Variants in CES5A observed in about 807,000 individuals in gnomAD.
CES5A encodes the protein carboxylesterase 5.
Under a neutral mutation model 62.9 loss-of-function variants are expected in CES5A, and 67 were observed. The observed-to-expected ratio is 1.07, with a 90% CI of 0.88 to 1.31. CES5A has a LOEUF of 1.31. Ranked by LOEUF, CES5A falls within the 50% of genes most tolerant of loss-of-function variation. The probability of loss-of-function intolerance (pLI) is 0.00; values close to 1 mark genes in which losing one functional copy is unlikely to be tolerated. For synonymous variants in CES5A, 296 were observed against 280.8 expected (o/e 1.05, Z -0.54); for missense variants, 748 against 708.5 (o/e 1.06, Z -0.63).
intron 2 of CES5A, among the ~76,000 whole-genome samples, chr16:55,931,692 C>T (rs560265927): frequency 6.6e-6 from 1 of 152,236 alleles, no homozygotes; most frequent in Admixed American, 6.5e-5. Flanking sequence ...TCAGGAATCC[C>T]CTTATCCAGG....
chr16:55,847,105 T>C (rs894063314), intron 11 of CES5A, among the ~76,000 whole-genome samples: 1 of 152,190 alleles, frequency 6.6e-6, no homozygotes, highest in Admixed American at 6.5e-5. Context: ...CCCATGAGGC[T>C]GCAGGTTCCC....
intron 4 of CES5A, among the ~76,000 whole-genome samples, chr16:55,866,751 T>C (rs1170314168): frequency 4.0e-5 from 6 of 150,750 alleles, no homozygotes; most frequent in Non-Finnish European, 1.5e-5. Context: ...GGCAGGAGAA[T>C]GGCTTGACCC....
intron 11 of CES5A, among the ~76,000 whole-genome samples, chr16:55,849,100 C>T (rs958886847): frequency 6.6e-6 from 1 of 152,158 alleles, no homozygotes; most frequent in East Asian, 1.9e-4. Context: ...CTATTGATAA[C>T]CTCATCTGAT....
At chr16:55,851,919 G>A (rs1259635892) in intron 10 of CES5A, among the ~76,000 whole-genome samples, 4 of 152,312 alleles carry the variant, frequency 2.6e-5, no homozygotes, top group South Asian at 2.1e-4. Flanking sequence ...CTTATGCTAC[G>A]TGAAATAAGC....
At chr16:55,942,927 G>A (rs557783189) in intron 2 of CES5A, among the ~76,000 whole-genome samples, 27 of 152,268 alleles carry the variant, frequency 1.8e-4, no homozygotes, top group Middle Eastern at 6.8e-3. Flanking sequence ...CATACTGGGC[G>A]ATTTTGTCTA....
intron 9 of CES5A, among the ~76,000 whole-genome samples, chr16:55,854,980 C>A (rs1211276927): frequency 6.6e-6 from 1 of 152,196 alleles, no homozygotes; most frequent in Non-Finnish European, 1.5e-5. Flanking sequence ...CTCTTCACAC[C>A]CCTCTGCTCC....
At chr16:55,866,461 T>C (rs1295960900) in intron 4 of CES5A, among the ~76,000 whole-genome samples, 2 of 151,948 alleles carry the variant, frequency 1.3e-5, no homozygotes, top group African/African-American at 2.4e-5. Flanking sequence ...AGAGGTGATC[T>C]GTACTAGAAA....
chr16:55,893,050 G>T (rs1344127936), intron 1 of CES5A, among the ~76,000 whole-genome samples: 2 of 152,138 alleles, frequency 1.3e-5, no homozygotes, highest in African/African-American at 4.8e-5. Flanking sequence ...TCTGGTCCCT[G>T]CCTGCCAATT....
chr16:55,919,853 G>A (rs1252943071), intron 1 of CES5A, among the ~76,000 whole-genome samples: 1 of 152,134 alleles, frequency 6.6e-6, no homozygotes, highest in Non-Finnish European at 1.5e-5. Context: ...CAGTGTGCCA[G>A]GCACTTTCCA....
intron 1 of CES5A, among the ~76,000 whole-genome samples, chr16:55,894,963 A>G (rs77080749): frequency 0.013 from 1,977 of 152,324 alleles, 48 homozygotes; most frequent in African/African-American, 0.045. Context: ...AAGGGATAAG[A>G]GCTTTGAAAG....
At chr16:55,951,356 G>A (rs1372889625) in intron 1 of CES5A, among the ~76,000 whole-genome samples, 1 of 152,064 alleles carries the variant, frequency 6.6e-6, no homozygotes, top group East Asian at 1.9e-4. Flanking sequence ...ATTTTTTGCT[G>A]GGAGGATTTA....
intron 1 of CES5A, among the ~76,000 whole-genome samples, chr16:55,882,354 G>A (rs1327908334): frequency 6.6e-6 from 1 of 152,144 alleles, no homozygotes; most frequent in Non-Finnish European, 1.5e-5. Context: ...GCACAGAGGC[G>A]ATTCTCAAAG....
intron 2 of CES5A, among the ~76,000 whole-genome samples, chr16:55,930,468 A>G (rs1384841466): frequency 2.0e-5 from 3 of 152,204 alleles, no homozygotes; most frequent in Non-Finnish European, 2.9e-5. Flanking sequence ...AGGAGTTATC[A>G]TAAGAGAGGG....
intron 1 of CES5A, among the ~76,000 whole-genome samples, chr16:55,955,563 G>A (rs78335150): frequency 4.6e-5 from 7 of 152,112 alleles, no homozygotes; most frequent in Non-Finnish European, 4.4e-5. Flanking sequence ...CCATTAAATC[G>A]CCACATGCCG....
At chr16:55,932,599 G>A (rs1355751062) in intron 2 of CES5A, among the ~76,000 whole-genome samples, 9 of 152,088 alleles carry the variant, frequency 5.9e-5, no homozygotes, top group Non-Finnish European at 8.8e-5. Context: ...GAGTCATCAG[G>A]GAGTCCTCTC....
At chr16:55,879,368 T>C (rs1276158385), upstream of CES5A, among the ~76,000 whole-genome samples, 2 of 151,856 alleles carry the variant, frequency 1.3e-5, no homozygotes, top group South Asian at 2.1e-4. Context: ...TGTACCCCCA[T>C]TACTGCGCCC....
rs1463558031 is a variant in CES5A, at chr16:55,853,143, C to A, written c.1126-115G>T. 2.0e-5 allele frequency: 20 copies of A among 1,020,726 alleles called. 1 individual carries two copies. Among genetic ancestry groups the A allele is most frequent in the Non-Finnish European group, 2.8e-5 (19 of 682,008 alleles). The allele number at this position is 1,020,726 out of a possible 1,614,324, so 63.2% of individuals were successfully genotyped here. On this transcript the variant is annotated intron_variant, in intron 9 of 12. Transcript: ENST00000290567. Reference sequence around the variant, plus strand: ...CTTTACCCACATTGCTTCATTTAACCCACACAGCAACCCTATGATGCAAGT... The same window carrying A: ...CTTTACCCACATTGCTTCATTTAACACACACAGCAACCCTATGATGCAAGT...
intron 2 of CES5A, among the ~76,000 whole-genome samples, chr16:55,935,480 T>C: frequency 6.6e-6 from 1 of 152,178 alleles, no homozygotes; most frequent in Non-Finnish European, 1.5e-5. Context: ...CAGAATAATA[T>C]TTGGCCAAAT....
intron 10 of CES5A, among the ~76,000 whole-genome samples, 183 bp downstream of exon 10, chr16:55,852,698 A>C (rs1217410394): frequency 6.6e-6 from 1 of 152,194 alleles, no homozygotes; most frequent in African/African-American, 2.4e-5. Flanking sequence ...ACATCCCCAA[A>C]CTCTGAAAGG....
Sources: allele counts gnomAD v4.1 joint callset (sites outside exome capture counted in the v4.1 genomes callset), GRCh38; gene constraint gnomAD v4.1.1; transcripts MANE v1.5; gene names NCBI Gene and HGNC (gene_info 2026-07-23, HGNC 2026-07-21).